Variants in AGBL4 observed in about 807,000 individuals in gnomAD.
AGBL4 encodes the protein cytosolic carboxypeptidase 6.
Under a neutral mutation model 66.4 loss-of-function variants are expected in AGBL4, and 58 were observed. The observed-to-expected ratio is 0.87, with a 90% CI of 0.71 to 1.09. The LOEUF (loss-of-function observed/expected upper bound fraction) is 1.09, where lower values mean the gene tolerates loss of function less well. AGBL4 is among the 50% of genes least tolerant of loss of function. The pLI is 0.00. For synonymous variants in AGBL4, 234 were observed against 222.9 expected (o/e 1.05, Z -0.44); for missense variants, 579 against 631.0 (o/e 0.92, Z 0.88).
chr1:49,678,906 T>C (rs1274985215), intron 3 of AGBL4, among the ~76,000 whole-genome samples: 1 of 152,102 alleles, frequency 6.6e-6, no homozygotes, highest in Non-Finnish European at 1.5e-5. Context: ...CCTCTATATA[T>C]GGGATATATA....
intron 4 of AGBL4, among the ~76,000 whole-genome samples, chr1:49,127,076 AC>A (rs1215018786): frequency 6.6e-6 from 1 of 152,176 alleles, no homozygotes; most frequent in Non-Finnish European, 1.5e-5. Flanking sequence ...AACTGAATAA[AC>A]TATATAAAAC....
At chr1:49,548,128 A>T (rs1198984189) in intron 3 of AGBL4, among the ~76,000 whole-genome samples, 1 of 152,076 alleles carries the variant, frequency 6.6e-6, no homozygotes, top group Non-Finnish European at 1.5e-5. Context: ...GTAAAGAGAG[A>T]TACTGATTTG....
intron 4 of AGBL4, among the ~76,000 whole-genome samples, chr1:49,061,137 G>A (rs978448849): frequency 3.3e-5 from 5 of 152,134 alleles, no homozygotes; most frequent in East Asian, 1.9e-4. Context: ...TCCTGGGGGC[G>A]AAAGTACAAT....
At chr1:49,165,616 C>A in intron 4 of AGBL4, among the ~76,000 whole-genome samples, 1 of 146,776 alleles carries the variant, frequency 6.8e-6, no homozygotes, top group Non-Finnish European at 1.5e-5. Context: ...AAAAATGGTA[C>A]AGAAGAACAG....
At position 49,738,627 on chromosome 1, in the gene AGBL4, C is replaced by G. The variant is rs868867637; in HGVS notation, c.158-41190G>C. Among the ~76,000 whole-genome samples the G allele has an allele frequency of 2.6e-5, 4 of 152,308 alleles. No homozygotes were observed. In the South Asian group the frequency reaches 8.3e-4, roughly 32 times the overall value. On this transcript the variant is annotated intron_variant, in intron 2 of 13. Coordinates refer to ENST00000371839, the MANE Select transcript of AGBL4 (RefSeq NM_032785.4). ...GCCTCCTCAAGTGGGTCCTTGACCCCCAAGTAGCCTAACTGGGAGGCACCC... is the reference window on the plus strand; with the variant it reads ...GCCTCCTCAAGTGGGTCCTTGACCCGCAAGTAGCCTAACTGGGAGGCACCC...
At chr1:48,720,716 A>G (rs1483623388) in intron 6 of AGBL4, among the ~76,000 whole-genome samples, 2 of 152,156 alleles carry the variant, frequency 1.3e-5, no homozygotes, top group East Asian at 3.9e-4. Flanking sequence ...TTCAGCAAAC[A>G]TGTATAGAGA....
chr1:49,899,475 C>G (rs1288389348), intron 1 of AGBL4, among the ~76,000 whole-genome samples: 1 of 150,396 alleles, frequency 6.6e-6, no homozygotes, highest in Non-Finnish European at 1.5e-5. Flanking sequence ...ATGCCTGTAT[C>G]AAAGGACACT....
At chr1:49,184,936 A>G (rs1290399951) in intron 4 of AGBL4, among the ~76,000 whole-genome samples, 1 of 152,178 alleles carries the variant, frequency 6.6e-6, no homozygotes, top group African/African-American at 2.4e-5. Flanking sequence ...CACAGGGCAC[A>G]ATTTGTGATG....
intron 3 of AGBL4, among the ~76,000 whole-genome samples, chr1:49,620,076 C>A (rs1048903107): frequency 2.0e-5 from 3 of 152,096 alleles, no homozygotes; most frequent in Admixed American, 2.0e-4. Context: ...GACTTCATTA[C>A]TAAAACACCA....
At chr1:49,668,836 G>A (rs1263751808) in intron 3 of AGBL4, among the ~76,000 whole-genome samples, 2 of 152,134 alleles carry the variant, frequency 1.3e-5, no homozygotes, top group Admixed American at 6.6e-5. Context: ...TAACAGGCAA[G>A]GAGGAAAACA....
At chr1:49,763,857 C>T (rs1652525076) in intron 2 of AGBL4, among the ~76,000 whole-genome samples, 1 of 152,144 alleles carries the variant, frequency 6.6e-6, no homozygotes, top group South Asian at 2.1e-4. Context: ...GGCTCTTTTG[C>T]ACATCCCTAG....
At chr1:49,561,365 G>T (rs1164831806) in intron 3 of AGBL4, among the ~76,000 whole-genome samples, 1 of 151,262 alleles carries the variant, frequency 6.6e-6, no homozygotes, top group Admixed American at 6.6e-5. Context: ...CAACATGCAG[G>T]TTACATATGT....
chr1:49,564,929 T>C (rs1571052864), intron 3 of AGBL4, among the ~76,000 whole-genome samples: 1 of 152,224 alleles, frequency 6.6e-6, no homozygotes, highest in East Asian at 1.9e-4. Context: ...CCATTATTAT[T>C]GTGTGGGAGT....
chr1:48,578,646 C>T (rs1049944839), intron 11 of AGBL4, among the ~76,000 whole-genome samples: 1 of 152,186 alleles, frequency 6.6e-6, no homozygotes, highest in African/African-American at 2.4e-5. Flanking sequence ...TCCCCAACCA[C>T]ATACAGATGC....
chr1:49,821,942 C>T (rs2147994245), intron 2 of AGBL4, among the ~76,000 whole-genome samples: 1 of 152,112 alleles, frequency 6.6e-6, no homozygotes, highest in African/African-American at 2.4e-5. Context: ...ATCCCAAATA[C>T]AGAAAGAAAA....
intron 4 of AGBL4, among the ~76,000 whole-genome samples, chr1:49,206,944 AT>A (rs1304265499): frequency 1.3e-5 from 2 of 151,346 alleles, no homozygotes; most frequent in Admixed American, 1.3e-4. Flanking sequence ...GGTGGGCGGA[AT>A]GGGAACTGAG....
At chr1:48,552,265 T>C (rs948982462) in intron 11 of AGBL4, among the ~76,000 whole-genome samples, 2 of 152,144 alleles carry the variant, frequency 1.3e-5, no homozygotes, top group African/African-American at 4.8e-5. Context: ...GGTTTCACCA[T>C]GCTGATCAGG....
chr1:49,444,032 A>G (rs1423529419), intron 3 of AGBL4, among the ~76,000 whole-genome samples: 1 of 151,880 alleles, frequency 6.6e-6, no homozygotes, highest in Non-Finnish European at 1.5e-5. Flanking sequence ...CTAATTCAGG[A>G]TTACATGGTG....
chr1:48,821,281 G>T (rs1226032333), intron 6 of AGBL4, among the ~76,000 whole-genome samples: 1 of 152,104 alleles, frequency 6.6e-6, no homozygotes, highest in Non-Finnish European at 1.5e-5. Context: ...GTTTCAAAAA[G>T]ACACATGCAC....
Sources: gnomAD v4.1 joint callset for allele counts (sites outside exome capture counted in the v4.1 genomes callset) on GRCh38, gnomAD v4.1.1 for gene constraint, MANE v1.5 for transcripts, NCBI Gene and HGNC (gene_info 2026-07-23, HGNC 2026-07-21) for gene names.